SLIT3: variants seen among roughly 807,000 people sequenced by gnomAD.
The protein encoded by SLIT3 is slit homolog 3 protein.
In SLIT3, 68 loss-of-function variants were observed where a neutral mutation model predicts 184.0. That is an observed-to-expected ratio of 0.37 (90% CI 0.30 to 0.45). The LOEUF (loss-of-function observed/expected upper bound fraction) is 0.45, where lower values mean the gene tolerates loss of function less well. Among genes scored for constraint, SLIT3 ranks in the 20% least tolerant of loss-of-function variants. The pLI is 1.00. For missense variants in SLIT3, 1,707 were observed against 2,026.0 expected (o/e 0.84, Z 3.02); for synonymous variants, 831 against 828.6 (o/e 1.00, Z -0.05).
intron 8 of SLIT3, among the ~76,000 whole-genome samples, chr5:168,812,691 G>A (rs1001165612): frequency 2.0e-5 from 3 of 152,116 alleles, no homozygotes; most frequent in Non-Finnish European, 4.4e-5. Context: ...AATGGGACTC[G>A]AGCAATTATG....
intron 4 of SLIT3, among the ~76,000 whole-genome samples, chr5:169,090,654 A>C (rs1050839776): frequency 6.6e-6 from 1 of 152,230 alleles, no homozygotes; most frequent in Non-Finnish European, 1.5e-5. Context: ...AAGGATCTTG[A>C]AAAGAGAGAC....
chr5:168,762,803 G>A, intron 14 of SLIT3, 114 bp from the exon 15 acceptor site: 1 of 1,043,206 alleles, frequency 9.6e-7, no homozygotes, highest in Non-Finnish European at 1.4e-6. Flanking sequence ...GGGCTGTTAG[G>A]GGTCAAGTAA....
intron 9 of SLIT3, among the ~76,000 whole-genome samples, chr5:168,803,517 A>C (rs549727013): frequency 6.6e-6 from 1 of 152,322 alleles, no homozygotes; most frequent in South Asian, 2.1e-4. Context: ...TGATGTTGTT[A>C]TCTGCAATTT....
intron 4 of SLIT3, among the ~76,000 whole-genome samples, chr5:169,173,814 C>T (rs958811124): frequency 2.0e-5 from 3 of 152,218 alleles, no homozygotes; most frequent in East Asian, 1.9e-4. Context: ...TCCTGCTCAG[C>T]GCTCCTGCTG....
intron 9 of SLIT3, among the ~76,000 whole-genome samples, chr5:168,797,559 G>A (rs1004444974): frequency 7.9e-5 from 12 of 152,142 alleles, no homozygotes; most frequent in Admixed American, 2.0e-4. Flanking sequence ...TTAATGATGG[G>A]TGCAAGAATT....
chr5:168,861,231 T>C (rs1759090111), intron 5 of SLIT3, among the ~76,000 whole-genome samples: 1 of 152,140 alleles, frequency 6.6e-6, no homozygotes, highest in African/African-American at 2.4e-5. Flanking sequence ...ACATTAGGTG[T>C]ATCTCCTAAT....
intron 4 of SLIT3, among the ~76,000 whole-genome samples, chr5:169,164,379 A>G (rs916003483): frequency 1.3e-5 from 2 of 152,192 alleles, no homozygotes; most frequent in Non-Finnish European, 2.9e-5. Flanking sequence ...TTCCTGAAGA[A>G]GCAGCAGAGT....
intron 7 of SLIT3, among the ~76,000 whole-genome samples, chr5:168,818,923 T>C (rs747107023): frequency 1.3e-5 from 2 of 152,266 alleles, no homozygotes; most frequent in Admixed American, 6.5e-5. Context: ...AATGAACCTA[T>C]ATCCCATATA....
chr5:168,899,515 T>TA (rs1190458880), intron 4 of SLIT3, among the ~76,000 whole-genome samples: 8 of 151,580 alleles, frequency 5.3e-5, no homozygotes, highest in East Asian at 1.9e-4. Flanking sequence ...TCCTGCCTCT[T>TA]AAAAAAAAGC....
chr5:169,045,064 G>A (rs540517094), intron 4 of SLIT3, among the ~76,000 whole-genome samples: 3 of 152,194 alleles, frequency 2.0e-5, no homozygotes, highest in Admixed American at 2.0e-4. Context: ...GTCATGCTAA[G>A]GTTTCATAGA....
At chr5:169,002,475 G>C (rs1233111570) in intron 4 of SLIT3, among the ~76,000 whole-genome samples, 1 of 152,050 alleles carries the variant, frequency 6.6e-6, no homozygotes, top group Non-Finnish European at 1.5e-5. Context: ...GGAAATAGTG[G>C]AGATGACATC....
chr5:168,859,545 G>T (rs1399173485), intron 5 of SLIT3, among the ~76,000 whole-genome samples: 5 of 152,188 alleles, frequency 3.3e-5, no homozygotes, highest in Non-Finnish European at 7.3e-5. Flanking sequence ...TAAGAGCACT[G>T]AGTAAAGAGA....
At chr5:168,856,930 G>T (rs1157742612) in intron 5 of SLIT3, among the ~76,000 whole-genome samples, 1 of 152,020 alleles carries the variant, frequency 6.6e-6, no homozygotes, top group East Asian at 1.9e-4. Flanking sequence ...TCCTGCAGAG[G>T]CCTCTGGTCT....
At chr5:168,948,895 C>G (rs1464141471) in intron 4 of SLIT3, among the ~76,000 whole-genome samples, 1 of 152,188 alleles carries the variant, frequency 6.6e-6, no homozygotes, top group Non-Finnish European at 1.5e-5. Flanking sequence ...TTGGTCCTTT[C>G]TGGTCATCTG....
chr5:169,088,469 G>A (rs1759410869), intron 4 of SLIT3, among the ~76,000 whole-genome samples: 1 of 150,590 alleles, frequency 6.6e-6, no homozygotes, highest in South Asian at 2.1e-4. Context: ...CATAAGAATA[G>A]CAAACCCAAA....
intron 6 of SLIT3, among the ~76,000 whole-genome samples, chr5:168,835,922 A>G (rs1758037480): frequency 6.6e-6 from 1 of 152,112 alleles, no homozygotes; most frequent in Non-Finnish European, 1.5e-5. Flanking sequence ...CTGCCTTGGC[A>G]TTGGGATTAC....
At position 168,844,530 on chromosome 5, in the gene SLIT3, CACAT is replaced by C. The variant is rs1758384148; in HGVS notation, c.557+50_557+53del. On this transcript the variant is annotated intron_variant, in intron 6 of 35. Coordinates refer to ENST00000519560, the MANE Select transcript of SLIT3 (RefSeq NM_003062.4). ...TCTCTCCTCCCCACACAGACACACA[CACAT>C]ACACACACATGCACGCACACACAAG... 3 of 1,510,748 alleles carry C rather than the reference CACAT, an allele frequency of 2.0e-6. No individual in the cohort carries two copies. The East Asian group carries it at 6.8e-5, about 34-fold the overall frequency. The allele number at this position is 1,510,748 out of a possible 1,614,324, so 93.6% of individuals were successfully genotyped here.
intron 4 of SLIT3, among the ~76,000 whole-genome samples, chr5:169,126,887 C>A (rs1761098944): frequency 6.7e-6 from 1 of 149,808 alleles, no homozygotes; most frequent in African/African-American, 2.4e-5. Context: ...CCAAATGACC[C>A]CATGATCCAT....
At chr5:168,788,042 T>C (rs974644293) in intron 11 of SLIT3, among the ~76,000 whole-genome samples, 1 of 152,148 alleles carries the variant, frequency 6.6e-6, no homozygotes, top group African/African-American at 2.4e-5. Flanking sequence ...GGCAGCAGCA[T>C]GCCAATTTCA....
Sources: gnomAD v4.1 joint callset for allele counts (sites outside exome capture counted in the v4.1 genomes callset) on GRCh38, gnomAD v4.1.1 for gene constraint, MANE v1.5 for transcripts, NCBI Gene and HGNC (gene_info 2026-07-23, HGNC 2026-07-21) for gene names.